Variants in GABARAPL2 observed in about 807,000 individuals in gnomAD.
GABARAPL2 encodes the protein GABA type A receptor associated protein like 2, also known as gamma-aminobutyric acid receptor-associated protein-like 2.
Under a neutral mutation model 16.9 loss-of-function variants are expected in GABARAPL2, and 11 were observed. That is an observed-to-expected ratio of 0.65 (90% CI 0.41 to 1.08). The LOEUF (loss-of-function observed/expected upper bound fraction) is 1.08. Ranked by LOEUF, GABARAPL2 falls within the 50% of genes least tolerant of loss-of-function variation. The pLI is 0.00. For synonymous variants in GABARAPL2, 57 were observed against 50.7 expected, an observed-to-expected ratio of 1.12 and a Z score of -0.53; for missense variants, 134 against 142.5, an observed-to-expected ratio of 0.94 and a Z score of 0.30.
intron 2 of GABARAPL2, 114 bp downstream of exon 2, chr16:75,567,021 A>G (rs2080888224): frequency 1.1e-6 from 1 of 925,908 alleles, no homozygotes; most frequent in Non-Finnish European, 1.7e-6. Flanking sequence ...CAGTTACAGT[A>G]GCTGACGGGC....
At chr16:75,569,139 T>G (rs1261096360) in intron 3 of GABARAPL2, among the ~76,000 whole-genome samples, 2 of 152,224 alleles carry the variant, frequency 1.3e-5, no homozygotes, top group Non-Finnish European at 2.9e-5. Flanking sequence ...TGAAAATCCT[T>G]GAAGACTCCA....
chr16:75,566,906 C>A lies in GABARAPL2; in HGVS notation c.89C>A (p.Pro30Gln). The A allele has an allele frequency of 6.2e-7, 1 of 1,612,158 alleles. No homozygotes were observed. Among genetic ancestry groups the A allele is most frequent in the Non-Finnish European group, 8.5e-7 (1 of 1,178,554 alleles). ...CGAGCGAAATATCCCGACAGGGTTCCGGTGAGTGGACTCTCCGCCCCCTCA... is the reference window on the plus strand; with the variant it reads ...CGAGCGAAATATCCCGACAGGGTTCAGGTGAGTGGACTCTCCGCCCCCTCA... ...KIRAKYPDRVPVIVEKVSGSQ... is the reference protein window; with the variant it reads ...KIRAKYPDRVQVIVEKVSGSQ... Residue 30 changes from proline (P) to glutamine (Q), a missense_variant and splice_region_variant, in exon 2 of 4, where the codon CCG (proline) becomes CAG (glutamine). By Grantham distance (76) the Pro-to-Gln change is moderately conservative. Transcript: ENST00000037243.
At chr16:75,567,595 C>G (rs1186362938) in intron 2 of GABARAPL2, among the ~76,000 whole-genome samples, 2 of 152,146 alleles carry the variant, frequency 1.3e-5, no homozygotes, top group African/African-American at 4.8e-5. Context: ...AAATGAAGAA[C>G]TTGGTTCTTG....
chr16:75,570,389 G>T (rs879631334), intron 3 of GABARAPL2, among the ~76,000 whole-genome samples: 2 of 152,184 alleles, frequency 1.3e-5, no homozygotes, highest in Admixed American at 1.3e-4. Flanking sequence ...CTGTGATTCA[G>T]CTTCACCATC....
Position 75,575,885 on chromosome 16 carries a change from A to C in GABARAPL2, c.264-1394A>C, listed in dbSNP as rs531221104. The C allele has an allele frequency of 2.6e-5, 4 of 152,356 alleles. No individual in the cohort carries two copies. In the East Asian group the frequency reaches 7.7e-4, roughly 29 times the overall value. 9.4% of individuals were successfully genotyped at this position (152,356 alleles called of 1,614,324 possible). On this transcript the variant is annotated intron_variant, in intron 3 of 3. Transcript: ENST00000037243. The stretch of plus-strand genomic sequence containing the variant: ...CATAATTTTATCATTTCAACATGTA[A>C]TCAAAATTGAGCTATTTTGCTGCAT...
chr16:75,571,645 G>C (rs971442386), intron 3 of GABARAPL2, among the ~76,000 whole-genome samples: 2 of 151,546 alleles, frequency 1.3e-5, no homozygotes. Flanking sequence ...GATCATTTCT[G>C]GGTAAATACC....
chr16:75,572,270 G>A (rs1189968017), intron 3 of GABARAPL2: 2 of 152,266 alleles, frequency 1.3e-5, no homozygotes, highest in East Asian at 3.9e-4. Flanking sequence ...CTCCAGGATT[G>A]ACAGTAGTGG....
intron 1 of GABARAPL2, 98 bp downstream of exon 1, chr16:75,566,618 A>C (rs547787137): frequency 7.3e-7 from 1 of 1,361,660 alleles, no homozygotes; most frequent in African/African-American, 1.4e-5. Flanking sequence ...AGCGGGGCGG[A>C]TGCCCTGCTG....
At chr16:75,567,857 C>T (rs1340755899) in intron 2 of GABARAPL2, among the ~76,000 whole-genome samples, 180 bp from the exon 3 acceptor site, 1 of 152,186 alleles carries the variant, frequency 6.6e-6, no homozygotes, top group African/African-American at 2.4e-5. Context: ...CCCTGTAACA[C>T]ATTTATATCA....
intron 3 of GABARAPL2, among the ~76,000 whole-genome samples, chr16:75,569,888 G>A (rs2080905018): frequency 6.6e-6 from 1 of 152,140 alleles, no homozygotes; most frequent in Non-Finnish European, 1.5e-5. Context: ...TGCCTTTCCA[G>A]TGTGGTGAGA....
Position 75,577,646 on chromosome 16 carries a change from G to A in GABARAPL2, c.*277G>A, listed in dbSNP as rs376184543. On this transcript the variant is annotated 3_prime_UTR_variant, in exon 4 of 4. Coordinates refer to ENST00000037243, the MANE Select transcript of GABARAPL2 (RefSeq NM_007285.7). ...TCATATTGAATGATATTTCTATATC[G>A]AAGTGAGGTAGGTGCGGTATTAAAG... 6.7e-5 allele frequency: 21 copies of A among 314,718 alleles called. No homozygotes were observed. Among genetic ancestry groups the A allele is most frequent in the South Asian group, 2.1e-4 (4 of 18,880 alleles). The allele number at this position is 314,718 out of a possible 1,614,324, so 19.5% of individuals were successfully genotyped here.
In GABARAPL2 at chr16:75,577,474, C is replaced by A; in HGVS notation, c.*105C>A. On this transcript the variant is annotated 3_prime_UTR_variant, in exon 4 of 4. Coordinates refer to ENST00000037243, the MANE Select transcript of GABARAPL2 (RefSeq NM_007285.7). The stretch of plus-strand genomic sequence containing the variant: ...ACCTCTTCACATAGACCTATTAGTG[C>A]ATTTGTAACTGGATTTATTTCTTAA... The A allele has an allele frequency of 1.4e-6, 1 of 705,612 alleles. No homozygotes were observed. The highest frequency in any genetic ancestry group is 2.6e-6 in the Non-Finnish European group (1 of 385,708). 43.7% of individuals were successfully genotyped at this position (705,612 alleles called of 1,614,324 possible).
Position 75,577,410 on chromosome 16 carries a change from T to C in GABARAPL2, c.*41T>C. ...TAGGTGCACCGTAACTGCTTGTGTATCTTGTAAATAGCCAGCCATTTTCAG... is the reference window on the plus strand; with the variant it reads ...TAGGTGCACCGTAACTGCTTGTGTACCTTGTAAATAGCCAGCCATTTTCAG... On this transcript the variant is annotated 3_prime_UTR_variant, in exon 4 of 4. Coordinates refer to ENST00000037243, the MANE Select transcript of GABARAPL2 (RefSeq NM_007285.7). The C allele has an allele frequency of 2.6e-6, 3 of 1,171,458 alleles. No homozygotes were observed. The highest frequency in any genetic ancestry group is 2.6e-6 in the Non-Finnish European group (2 of 775,714). 72.6% of individuals were successfully genotyped at this position (1,171,458 alleles called of 1,614,324 possible).
At chr16:75,568,492 T>C (rs1437311914) in intron 3 of GABARAPL2, 3 of 251,822 alleles carry the variant, frequency 1.2e-5, no homozygotes, top group Non-Finnish European at 2.3e-5. Context: ...TATTTAGTCT[T>C]AAGCTATAGG....
chr16:75,575,351 A>G (rs1468295503), intron 3 of GABARAPL2, among the ~76,000 whole-genome samples: 1 of 151,912 alleles, frequency 6.6e-6, no homozygotes, highest in Admixed American at 6.6e-5. Context: ...GCTGCAGTAC[A>G]ATGGCACGAT....
intron 1 of GABARAPL2, 161 bp downstream of exon 1, chr16:75,566,681 A>G: frequency 1.0e-6 from 1 of 964,864 alleles, no homozygotes; most frequent in Non-Finnish European, 1.6e-6. Flanking sequence ...CCCTGACCCC[A>G]TGTCACCCTC....
rs570817235 is a variant in GABARAPL2 at position 75,566,627 on chromosome 16, T to G, written c.34+107T>G. The G allele has an allele frequency of 6.7e-5, 89 of 1,321,130 alleles. No homozygotes were observed. The African/African-American group carries it at 1.0e-3, about 15-fold the overall frequency. The allele number at this position is 1,321,130 out of a possible 1,614,324, so 81.8% of individuals were successfully genotyped here. A position where few individuals can be genotyped will look rare whatever the true frequency, so the allele number is the denominator to read the frequency against. On this transcript the variant is annotated intron_variant, in intron 1 of 3. Coordinates refer to ENST00000037243, the MANE Select transcript of GABARAPL2 (RefSeq NM_007285.7). ...GAGTGGAGCGGGGCGGATGCCCTGC[T>G]GCGGGCTGGAGTCGCCCATGCCCTG...
intron 3 of GABARAPL2, 123 bp downstream of exon 3, chr16:75,568,332 C>T (rs1422753803): frequency 3.2e-6 from 2 of 621,538 alleles, no homozygotes; most frequent in Non-Finnish European, 5.7e-6. Context: ...GGATTTTATG[C>T]TCCCTGACAT....
intron 3 of GABARAPL2, among the ~76,000 whole-genome samples, chr16:75,574,749 T>A (rs1255277199): frequency 2.2e-5 from 2 of 91,918 alleles, no homozygotes; most frequent in Admixed American, 1.3e-4. Flanking sequence ...CCTGGCTGCA[T>A]ATGGAATCAT....
Sources: gnomAD v4.1 joint callset for allele counts (sites outside exome capture counted in the v4.1 genomes callset) on GRCh38, gnomAD v4.1.1 for gene constraint, MANE v1.5 for transcripts, NCBI Gene and HGNC (gene_info 2026-07-23, HGNC 2026-07-21) for gene names.